Variants in CFAP69 observed in about 807,000 individuals in gnomAD.
CFAP69 encodes cilia and flagella associated protein 69.
CFAP69 carries 92 observed loss-of-function variants against 123.0 expected under a neutral mutation model. The ratio of observed to expected loss-of-function variants is 0.75; its 90% CI spans 0.63 to 0.89. The LOEUF (loss-of-function observed/expected upper bound fraction) is 0.89. Among genes scored for constraint, CFAP69 ranks in the 40% least tolerant of loss-of-function variants. The pLI is 0.00. For missense variants in CFAP69, 1,067 were observed against 1,096.9 expected, an observed-to-expected ratio of 0.97 and a Z score of 0.39; for synonymous variants, 380 against 364.3, an observed-to-expected ratio of 1.04 and a Z score of -0.49.
intron 13 of CFAP69, among the ~76,000 whole-genome samples, chr7:90,284,329 A>G (rs544374092): frequency 6.6e-6 from 1 of 152,276 alleles, no homozygotes; most frequent in African/African-American, 2.4e-5. Flanking sequence ...TCCTGGGTAC[A>G]GTGTACACTG....
intron 12 of CFAP69, among the ~76,000 whole-genome samples, chr7:90,282,319 AG>A (rs1789611869): frequency 6.6e-6 from 1 of 152,212 alleles, no homozygotes; most frequent in South Asian, 2.1e-4. Context: ...ACTGCACTCT[AG>A]CCTGGGCAAC....
rs375531465 is a variant in CFAP69 at position 90,263,884 on chromosome 7, A to G, written c.357-1417A>G. ...GGCAGGCAGATCACGAGGTCAGGAGATGGAGACCATCCTGGATAACACGGT... is the reference window on the plus strand; with the variant it reads ...GGCAGGCAGATCACGAGGTCAGGAGGTGGAGACCATCCTGGATAACACGGT... On this transcript the variant is annotated intron_variant, in intron 4 of 22. Coordinates refer to ENST00000389297, the MANE Select transcript of CFAP69 (RefSeq NM_001039706.3). Among the ~76,000 whole-genome samples the G allele has an allele frequency of 8.1e-3, 1,235 of 151,800 alleles. 16 individuals are homozygous for G. Among genetic ancestry groups the G allele is most frequent in the African/African-American group, 0.029 (1,182 of 41,398 alleles).
intron 17 of CFAP69, chr7:90,301,730 G>C (rs1340108684): frequency 1.3e-5 from 2 of 152,166 alleles, no homozygotes; most frequent in African/African-American, 2.4e-5. Context: ...AGTCTGTCAT[G>C]ATGGGCATTT....
At position 90,276,967 on chromosome 7, in the gene CFAP69, A is replaced by T. The variant is rs1310078488; in HGVS notation, c.985-106A>T. The T allele has an allele frequency of 5.1e-6, 4 of 782,560 alleles. No individual in the cohort carries two copies. The East Asian group carries it at 1.2e-4, about 23-fold the overall frequency. The allele number at this position is 782,560 out of a possible 1,614,324, so 48.5% of individuals were successfully genotyped here. A position where few individuals can be genotyped will look rare whatever the true frequency, so the allele number is the denominator to read the frequency against. ...TGCTTTATGAATTCAAATGAATGAC[A>T]GTAGGAGAATTTGATAAATGTACTT... is the stretch of plus-strand genomic sequence containing the variant. On this transcript the variant is annotated intron_variant, in intron 9 of 22. Transcript: ENST00000389297.
chr7:90,310,285 G>A lies in CFAP69; in HGVS notation c.*47G>A. The A allele has an allele frequency of 4.2e-6, 6 of 1,413,236 alleles. No homozygotes were observed. The highest frequency in any genetic ancestry group is 5.8e-6 in the Non-Finnish European group (6 of 1,036,864). The allele number at this position is 1,413,236 out of a possible 1,614,324, so 87.5% of individuals were successfully genotyped here. A position where few individuals can be genotyped will look rare whatever the true frequency, so the allele number is the denominator to read the frequency against. The stretch of plus-strand genomic sequence containing the variant: ...AATAAAGTCAGCTTATAATTTTTTA[G>A]CTGAATATATCTTTATACATATGTA... On this transcript the variant is annotated 3_prime_UTR_variant, in exon 23 of 23. Coordinates refer to ENST00000389297, the MANE Select transcript of CFAP69 (RefSeq NM_001039706.3).
chr7:90,312,700 A>G (rs1234198695), downstream of CFAP69: 1 of 152,026 alleles, frequency 6.6e-6, no homozygotes, highest in Non-Finnish European at 1.5e-5. Flanking sequence ...GTCTCTCATC[A>G]CATCCTATAT....
intron 1 of CFAP69, among the ~76,000 whole-genome samples, chr7:90,249,851 C>T (rs1796759122): frequency 6.6e-6 from 1 of 152,146 alleles, no homozygotes. Flanking sequence ...TCATTTCCCA[C>T]TTTGAATAAC....
At chr7:90,254,660 T>G (rs1302323074) in intron 1 of CFAP69, among the ~76,000 whole-genome samples, 1 of 152,150 alleles carries the variant, frequency 6.6e-6, no homozygotes, top group Non-Finnish European at 1.5e-5. Context: ...ACACCTGAGC[T>G]TCGTCTTGAA....
intron 3 of CFAP69, among the ~76,000 whole-genome samples, chr7:90,260,169 C>T (rs1229766224): frequency 1.3e-5 from 2 of 152,016 alleles, no homozygotes; most frequent in Admixed American, 1.3e-4. Flanking sequence ...CAGTGTGGGC[C>T]AGGGAATCCA....
In CFAP69 at chr7:90,307,022, T is replaced by A; in HGVS notation, c.2387T>A (p.Val796Asp). Residue 796 changes from valine to aspartate, a missense_variant, in exon 20 of 23, where the codon GTT (valine) becomes GAT (aspartate). By Grantham distance (152) the Val-to-Asp change is radical. Transcript: ENST00000389297. ...TTASENIGKM[V>D]ASLQSDIIES... Reference sequence around the variant, plus strand: ...GCATCAGAAAATATTGGAAAGATGGTTGCTTCTCTGCAAAGTGATATAATT... The same window carrying A: ...GCATCAGAAAATATTGGAAAGATGGATGCTTCTCTGCAAAGTGATATAATT... 1 of 1,613,674 alleles carries A rather than the reference T, an allele frequency of 6.2e-7. No individual in the cohort carries two copies. Among genetic ancestry groups the A allele is most frequent in the South Asian group, 1.1e-5 (1 of 91,022 alleles).
At chr7:90,294,848 C>G (rs1034227655) in intron 15 of CFAP69, among the ~76,000 whole-genome samples, 3 of 152,092 alleles carry the variant, frequency 2.0e-5, no homozygotes, top group Non-Finnish European at 4.4e-5. Flanking sequence ...ACAGAGGAGA[C>G]AGTGATTTTT....
chr7:90,260,785 A>AT (rs35784391), intron 3 of CFAP69, among the ~76,000 whole-genome samples: 11 of 147,220 alleles, frequency 7.5e-5, no homozygotes, highest in African/African-American at 1.2e-4. Flanking sequence ...CAACACCTCC[A>AT]TTTTTTTTTT....
chr7:90,305,386 A>C, intron 19 of CFAP69, among the ~76,000 whole-genome samples: 1 of 143,308 alleles, frequency 7.0e-6, no homozygotes, highest in East Asian at 2.5e-4. Flanking sequence ...AAGCCTAGCA[A>C]AAAAAAAAAA....
rs768948584 is a variant in CFAP69 at position 90,272,054 on chromosome 7, G to C, written c.860+96G>C. On this transcript the variant is annotated intron_variant, in intron 8 of 22. Coordinates refer to ENST00000389297, the MANE Select transcript of CFAP69 (RefSeq NM_001039706.3). ...TTTGTTTGAATCTGTGTTCAATTATGTTTTAGATTCATGTAATGGCTATGT... is the reference window on the plus strand; with the variant it reads ...TTTGTTTGAATCTGTGTTCAATTATCTTTTAGATTCATGTAATGGCTATGT... 3 of 1,179,264 alleles carry C rather than the reference G, an allele frequency of 2.5e-6. No individual in the cohort carries two copies. In the African/African-American group the frequency reaches 4.6e-5, roughly 18 times the overall value. 73.1% of individuals were successfully genotyped at this position (1,179,264 alleles called of 1,614,324 possible). A position where few individuals can be genotyped will look rare whatever the true frequency, so the allele number is the denominator to read the frequency against.
At chr7:90,271,353 A>G (rs539591920) in intron 6 of CFAP69, among the ~76,000 whole-genome samples, 173 bp from the exon 7 acceptor site, 2 of 152,128 alleles carry the variant, frequency 1.3e-5, no homozygotes, top group East Asian at 3.9e-4. Context: ...TTAAAATACT[A>G]TCTGGCCCTT....
At chr7:90,275,755 C>A (rs1788514799) in intron 9 of CFAP69, among the ~76,000 whole-genome samples, 1 of 151,866 alleles carries the variant, frequency 6.6e-6, no homozygotes, top group Admixed American at 6.6e-5. Flanking sequence ...GCACCCGCCA[C>A]CACACCCGGC....
chr7:90,268,446 A>G, intron 6 of CFAP69, 62 bp downstream of exon 6: 1 of 1,234,902 alleles, frequency 8.1e-7, no homozygotes, highest in Admixed American at 2.1e-5. Context: ...ACATTCTCAT[A>G]TCTCTTTGAA....
At chr7:90,273,722 G>A (rs1235780409) in intron 8 of CFAP69, among the ~76,000 whole-genome samples, 1 of 152,142 alleles carries the variant, frequency 6.6e-6, no homozygotes, top group Non-Finnish European at 1.5e-5. Context: ...GGGTGCCAGT[G>A]TGGTTGGGTT....
At chr7:90,306,733 A>G (rs1793646690) in intron 19 of CFAP69, among the ~76,000 whole-genome samples, 168 bp from the exon 20 acceptor site, 2 of 152,204 alleles carry the variant, frequency 1.3e-5, no homozygotes, top group African/African-American at 4.8e-5. Flanking sequence ...TGAGTACTCA[A>G]ATGTAGCTGG....
Sources: gnomAD v4.1 joint callset for allele counts (sites outside exome capture counted in the v4.1 genomes callset) on GRCh38, gnomAD v4.1.1 for gene constraint, MANE v1.5 for transcripts, NCBI Gene and HGNC (gene_info 2026-07-23, HGNC 2026-07-21) for gene names.